The following C1orf94 variants were observed in gnomAD, a reference collection of about 807,000 sequenced individuals.
The protein encoded by C1orf94 is chromosome 1 open reading frame 94.
C1orf94 carries 45 observed loss-of-function variants against 53.6 expected under a neutral mutation model. The observed-to-expected ratio is 0.84, with a 90% CI of 0.66 to 1.08. The LOEUF is 1.08. C1orf94 is among the 50% of genes least tolerant of loss of function. C1orf94 has a pLI of 0.00. For missense variants in C1orf94, 762 were observed against 738.9 expected, an observed-to-expected ratio of 1.03 and a Z score of -0.36; for synonymous variants, 304 against 296.1, an observed-to-expected ratio of 1.03 and a Z score of -0.27.
chr1:34,200,873 T>C lies in C1orf94; in HGVS notation c.1111T>C (p.Cys371Arg), dbSNP rs1318089353. 3 of 1,614,034 alleles carry C rather than the reference T, an allele frequency of 1.9e-6. No homozygotes were observed. Among genetic ancestry groups the C allele is most frequent in the Admixed American group, 1.7e-5 (1 of 59,994 alleles). The change falls in exon 3 of 7, where the codon TGT (cysteine) becomes CGT (arginine). Residue 371 changes from cysteine (C) to arginine (R), a missense_variant. Cys to Arg is a radical substitution (Grantham distance 180, BLOSUM62 -3). Coordinates refer to ENST00000488417, the MANE Select transcript of C1orf94 (RefSeq NM_001134734.2). ...GGACGCCTGTGGTGAGGAGGGTTGC[T>C]GTGACGCAGTGGGCACCGCATCACT... is the stretch of plus-strand genomic sequence containing the variant. The part of the protein sequence containing the change: ...QKDACGEEGC[C>R]DAVGTASLTL...
chr1:34,168,528 G>T (rs970883285), intron 1 of C1orf94, among the ~76,000 whole-genome samples: 3 of 152,226 alleles, frequency 2.0e-5, no homozygotes, highest in Middle Eastern at 3.4e-3. Flanking sequence ...AATAGAAGGT[G>T]TATTAATTTG....
chr1:34,186,621 T>G (rs967298532), intron 1 of C1orf94, among the ~76,000 whole-genome samples: 1 of 152,182 alleles, frequency 6.6e-6, no homozygotes, highest in Admixed American at 6.5e-5. Context: ...AAGAGACAAA[T>G]GCTTCCCCAG....
At position 34,183,609 on chromosome 1, in the gene C1orf94, C is replaced by T. The variant is rs1275112906; in HGVS notation, c.320+5500C>T. Among the ~76,000 whole-genome samples the T allele has an allele frequency of 1.3e-5, 2 of 152,134 alleles. 1 individual carries two copies. Among genetic ancestry groups the T allele is most frequent in the Non-Finnish European group, 2.9e-5 (2 of 68,028 alleles). On this transcript the variant is annotated intron_variant, in intron 1 of 6. Coordinates refer to ENST00000488417, the MANE Select transcript of C1orf94 (RefSeq NM_001134734.2). Reference sequence around the variant, plus strand: ...GTGGCTTATGCCTATAATCCCAGCACTTTGGGAGGCCGAGGTGGGTGGATC... The same window carrying T: ...GTGGCTTATGCCTATAATCCCAGCATTTTGGGAGGCCGAGGTGGGTGGATC...
At chr1:34,176,237 A>G (rs947870242), upstream of C1orf94, among the ~76,000 whole-genome samples, 4 of 152,152 alleles carry the variant, frequency 2.6e-5, no homozygotes, top group African/African-American at 9.7e-5. Context: ...CTGCATTTAT[A>G]GACTGCCATC....
chr1:34,184,330 G>A (rs1016076055), intron 1 of C1orf94, among the ~76,000 whole-genome samples: 4 of 152,192 alleles, frequency 2.6e-5, no homozygotes, highest in Admixed American at 6.5e-5. Flanking sequence ...GTGAAGTGTA[G>A]CATGTGTTAG....
At chr1:34,209,237 A>G (rs1298062751) in intron 5 of C1orf94, among the ~76,000 whole-genome samples, 1 of 151,822 alleles carries the variant, frequency 6.6e-6, no homozygotes, top group African/African-American at 2.4e-5. Flanking sequence ...TTGTACCTAG[A>G]TGCACAATAA....
chr1:34,189,636 G>A (rs1017129232), intron 1 of C1orf94, among the ~76,000 whole-genome samples: 16 of 152,198 alleles, frequency 1.1e-4, no homozygotes, highest in South Asian at 2.1e-4. Context: ...GGGCTCCACT[G>A]GGGAAGATGC....
intron 1 of C1orf94, among the ~76,000 whole-genome samples, chr1:34,186,319 A>G (rs1327629976): frequency 6.6e-6 from 1 of 152,258 alleles, no homozygotes; most frequent in Non-Finnish European, 1.5e-5. Context: ...AGCAAATGAA[A>G]TGATATATGT....
Position 34,177,258 on chromosome 1 carries a change from G to T in C1orf94, c.-532G>T, listed in dbSNP as rs1009295263. On this transcript the variant is annotated 5_prime_UTR_variant, in exon 1 of 7. Transcript: ENST00000488417. ...CGGGGGTGGGAGTCGGGCCGTTGAC[G>T]CTCGCTCTGCGAGGGGCTCCCTGGG... 3.9e-5 allele frequency among the ~76,000 whole-genome samples: 6 copies of T among 152,196 alleles called. No homozygotes were observed. Among genetic ancestry groups the T allele is most frequent in the African/African-American group, 1.4e-4 (6 of 41,456 alleles).
chr1:34,169,634 A>AGAGAGAGAGAGT (rs1642112261), intron 1 of C1orf94, among the ~76,000 whole-genome samples: 1 of 56,446 alleles, frequency 1.8e-5, no homozygotes, highest in African/African-American at 5.8e-5. Flanking sequence ...AGAGAGAGAG[A>AGAGAGAGAGAGT]GTGAGCAAAT....
At chr1:34,169,548 T>C (rs1642106630) in intron 1 of C1orf94, among the ~76,000 whole-genome samples, 1 of 149,784 alleles carries the variant, frequency 6.7e-6, no homozygotes, top group South Asian at 2.1e-4. Flanking sequence ...CTTGATGCCC[T>C]GAAATTTTCA....
At chr1:34,195,779 G>GGGGT (rs1184485602) in intron 1 of C1orf94, among the ~76,000 whole-genome samples, 81 of 145,272 alleles carry the variant, frequency 5.6e-4, no homozygotes, top group African/African-American at 1.9e-3. Flanking sequence ...TCTGTTCGTG[G>GGGGT]GTGTGTGTGT....
chr1:34,186,189 G>T (rs920691941), intron 1 of C1orf94, among the ~76,000 whole-genome samples: 1 of 152,160 alleles, frequency 6.6e-6, no homozygotes. Flanking sequence ...GAGACAGGTG[G>T]ATTAGAGTTC....
At position 34,200,891 on chromosome 1, in the gene C1orf94, G is replaced by A. The variant is rs780152081; in HGVS notation, c.1129G>A (p.Ala377Thr). The stretch of plus-strand genomic sequence containing the variant: ...GGGTTGCTGTGACGCAGTGGGCACC[G>A]CATCACTGACCCTGCCGCCCAAGAA... ...EEGCCDAVGT[A>T]SLTLPPKKPT... The change falls in exon 3 of 7, where the codon GCA (alanine) becomes ACA (threonine). Residue 377 changes from alanine to threonine, a missense_variant. By Grantham distance (58) the Ala-to-Thr change is moderately conservative. Transcript: ENST00000488417. The A allele has an allele frequency of 1.0e-4, 162 of 1,614,018 alleles. No homozygotes were observed. Among genetic ancestry groups the A allele is most frequent in the Non-Finnish European group, 1.1e-4 (133 of 1,180,046 alleles).
chr1:34,169,438 A>T (rs1642105096), intron 1 of C1orf94, among the ~76,000 whole-genome samples: 1 of 152,216 alleles, frequency 6.6e-6, no homozygotes, highest in South Asian at 2.1e-4. Flanking sequence ...TGACTAGCCA[A>T]GATAAGCCTA....
chr1:34,174,452 C>T (rs1314170764), upstream of C1orf94, among the ~76,000 whole-genome samples: 1 of 152,134 alleles, frequency 6.6e-6, no homozygotes, highest in African/African-American at 2.4e-5. Flanking sequence ...TTATATGCTG[C>T]AATCCTAAAC....
At chr1:34,208,342 C>T in intron 5 of C1orf94, 108 bp downstream of exon 5, 2 of 1,103,120 alleles carry the variant, frequency 1.8e-6, no homozygotes, top group African/African-American at 1.6e-5. Flanking sequence ...ACACCTGGCC[C>T]ACCATTGGCT....
Position 34,197,157 on chromosome 1 carries a change from G to A in C1orf94, c.321-68G>A. 1 of 1,375,328 alleles carries A rather than the reference G, an allele frequency of 7.3e-7. No homozygotes were observed. Among genetic ancestry groups the A allele is most frequent in the Non-Finnish European group, 9.7e-7 (1 of 1,027,016 alleles). 85.2% of individuals were successfully genotyped at this position (1,375,328 alleles called of 1,614,324 possible). On this transcript the variant is annotated intron_variant, in intron 1 of 6. Coordinates refer to ENST00000488417, the MANE Select transcript of C1orf94 (RefSeq NM_001134734.2). The surrounding 1 kb of genome is among the most constrained non-coding windows in gnomAD (Gnocchi z 4.1). ...TCCATCTCCCTTTTCTGGGGCCTAT[G>A]TCCTTCTGCAAAGCCACGCCTTGGT...
At chr1:34,204,952 C>A (rs297806) in intron 4 of C1orf94, among the ~76,000 whole-genome samples, 1 of 152,160 alleles carries the variant, frequency 6.6e-6, no homozygotes, top group South Asian at 2.1e-4. Flanking sequence ...ATCTCCACCT[C>A]TAAAGGGGAA....
Sources: gnomAD v4.1 joint callset for allele counts (sites outside exome capture counted in the v4.1 genomes callset) on GRCh38, gnomAD v4.1.1 for gene constraint, Gnocchi (gnomAD v3.1) non-coding constraint, MANE v1.5 for transcripts, NCBI Gene and HGNC (gene_info 2026-07-23, HGNC 2026-07-21) for gene names.